The following ZNF141 variants were observed in gnomAD, a reference collection of about 807,000 sequenced individuals.
The protein encoded by ZNF141 is zinc finger protein 141.
Under a neutral mutation model 11.3 loss-of-function variants are expected in ZNF141, and 7 were observed. That is an observed-to-expected ratio of 0.62 (90% confidence interval 0.35 to 1.16). The LOEUF (loss-of-function observed/expected upper bound fraction) is 1.16, where lower values mean the gene tolerates loss of function less well. ZNF141 is among the 50% of genes most tolerant of loss of function. The pLI is 0.02. For synonymous variants in ZNF141, 183 were observed against 190.7 expected, an observed-to-expected ratio of 0.96 and a Z score of 0.33; for missense variants, 535 against 554.0, an observed-to-expected ratio of 0.97 and a Z score of 0.34.
chr4:347,963 G>T (rs545466052), intron 3 of ZNF141, among the ~76,000 whole-genome samples: 2 of 151,832 alleles, frequency 1.3e-5, no homozygotes, highest in East Asian at 3.9e-4. Context: ...TCCTGCCTCA[G>T]CCTCCCGAGT....
chr4:362,293 G>A (rs782238433), intron 3 of ZNF141, among the ~76,000 whole-genome samples: 77 of 152,098 alleles, frequency 5.1e-4, no homozygotes, highest in Non-Finnish European at 9.1e-4. Context: ...TTGTTGGATG[G>A]GTAGATTGTA....
intron 1 of ZNF141, chr4:343,100 C>T: frequency 1.7e-6 from 1 of 597,544 alleles, no homozygotes; most frequent in Non-Finnish European, 2.9e-6. Context: ...TAAAAAAGTC[C>T]TTATGTTTTA....
intron 3 of ZNF141, among the ~76,000 whole-genome samples, chr4:345,144 A>C (rs1445679890): frequency 6.6e-6 from 1 of 152,176 alleles, no homozygotes; most frequent in Admixed American, 6.5e-5. Context: ...TAGTGGACAT[A>C]GTGGGATTTG....
intron 3 of ZNF141, among the ~76,000 whole-genome samples, chr4:357,630 A>G (rs1423075924): frequency 5.3e-5 from 8 of 151,910 alleles, no homozygotes; most frequent in African/African-American, 1.9e-4. Context: ...TGAACCTCTT[A>G]AGAGATGTAC....
At chr4:341,339 G>A (rs1721041030) in intron 1 of ZNF141, among the ~76,000 whole-genome samples, 2 of 152,172 alleles carry the variant, frequency 1.3e-5, no homozygotes, top group Admixed American at 6.5e-5. Flanking sequence ...GAGATTACAG[G>A]CGTGAGCCAC....
At chr4:357,867 G>A (rs953688243) in intron 3 of ZNF141, among the ~76,000 whole-genome samples, 5 of 151,566 alleles carry the variant, frequency 3.3e-5, no homozygotes, top group East Asian at 1.9e-4. Context: ...CACCACGCCC[G>A]ACTAATTTTT....
Position 380,407 on chromosome 4 carries a change from A to T in ZNF141, c.*6545A>T, listed in dbSNP as rs1712558300. ...GGTGGCTCACACCTGTAATCCCAGC[A>T]CTTTGGGCGCCCAAGGCAGGTGGAT... On this transcript the variant is annotated 3_prime_UTR_variant, in exon 4 of 4. Coordinates refer to ENST00000240499, the MANE Select transcript of ZNF141 (RefSeq NM_003441.4). Among the ~76,000 whole-genome samples the T allele has an allele frequency of 6.6e-6, 1 of 152,142 alleles. No individual in the cohort carries two copies. The highest frequency in any genetic ancestry group is 2.1e-4 in the South Asian group (1 of 4,832).
chr4:379,789 T>G lies in ZNF141; in HGVS notation c.*5927T>G. ...ATTATTCTGTAATTTTTAAAATATA[T>G]TTGTTAATTGACAGATAAAATATCC... On this transcript the variant is annotated 3_prime_UTR_variant, in exon 4 of 4. Transcript: ENST00000240499. Among the ~76,000 whole-genome samples the G allele has an allele frequency of 6.6e-6, 1 of 152,282 alleles. No individual in the cohort carries two copies.
rs782327006 is a variant in ZNF141, at chr4:372,735, C to G, written c.298C>G (p.Leu100Val). The part of the protein sequence containing the change: ...GIEDSFHKLI[L>V]RRYEKCGHDN... ...AGAAGATTCATTCCACAAACTTATACTGAGAAGATATGAGAAATGTGGACA... is the reference window on the plus strand; with the variant it reads ...AGAAGATTCATTCCACAAACTTATAGTGAGAAGATATGAGAAATGTGGACA... The change falls in exon 4 of 4, where the codon CTG (leucine) becomes GTG (valine). Residue 100 changes from leucine (L) to valine (V), a missense_variant. Leu to Val is a conservative substitution (Grantham distance 32). Transcript: ENST00000240499. The G allele has an allele frequency of 1.9e-6, 3 of 1,612,752 alleles. No individual in the cohort carries two copies. Among genetic ancestry groups the G allele is most frequent in the Non-Finnish European group, 2.5e-6 (3 of 1,179,276 alleles).
Position 382,130 on chromosome 4 carries a change from T to C in ZNF141, c.*8268T>C, listed in dbSNP as rs1474807588. On this transcript the variant is annotated 3_prime_UTR_variant, in exon 4 of 4. Coordinates refer to ENST00000240499, the MANE Select transcript of ZNF141 (RefSeq NM_003441.4). ...CCGGCTAATTTTTTTGTATTTTTAG[T>C]AGAGACGGGGTTTCACCATGTTAGC... Among the ~76,000 whole-genome samples the C allele has an allele frequency of 1.3e-5, 2 of 151,860 alleles. No individual in the cohort carries two copies.
intron 3 of ZNF141, among the ~76,000 whole-genome samples, chr4:369,760 A>ATTT (rs1240893040): frequency 1.0e-3 from 35 of 34,066 alleles, no homozygotes; most frequent in African/African-American, 6.4e-3. Context: ...ATATATATAT[A>ATTT]TATATTTTTT....
Position 379,921 on chromosome 4 carries a change from A to G in ZNF141, c.*6059A>G, listed in dbSNP as rs138940313. Among the ~76,000 whole-genome samples, 413 of 152,370 alleles carry G rather than the reference A, an allele frequency of 2.7e-3. 1 individual carries two copies. The highest frequency in any genetic ancestry group is 4.0e-3 in the Non-Finnish European group (272 of 68,036). ...ATTACTTTTGGGATAAGAGCTCATA[A>G]CATTGACTGTGTTAGCATTTTCCAA... On this transcript the variant is annotated 3_prime_UTR_variant, in exon 4 of 4. Coordinates refer to ENST00000240499, the MANE Select transcript of ZNF141 (RefSeq NM_003441.4).
Position 383,138 on chromosome 4 carries a change from G to T in ZNF141, c.*9276G>T. 1.4e-6 allele frequency: 1 copy of T among 701,606 alleles called. No individual in the cohort carries two copies. The highest frequency in any genetic ancestry group is 2.6e-6 in the Non-Finnish European group (1 of 384,540). The allele number at this position is 701,606 out of a possible 1,614,324, so 43.5% of individuals were successfully genotyped here. A position where few individuals can be genotyped will look rare whatever the true frequency, so the allele number is the denominator to read the frequency against. On this transcript the variant is annotated 3_prime_UTR_variant, in exon 4 of 4. Transcript: ENST00000240499. Reference sequence around the variant, plus strand: ...ACAACAAGCCCATTTTAGCTTTCTGGAGAATAGCATCTGAGAAAAGCCAAA... The same window carrying T: ...ACAACAAGCCCATTTTAGCTTTCTGTAGAATAGCATCTGAGAAAAGCCAAA...
At chr4:358,312 C>G (rs889356340) in intron 3 of ZNF141, 3 of 357,028 alleles carry the variant, frequency 8.4e-6, no homozygotes, top group South Asian at 4.1e-5. Flanking sequence ...CTCCGCCTCC[C>G]AAGTAGCTGG....
In ZNF141 at chr4:376,037, A is replaced by G. The variant is rs1239785811; in HGVS notation, c.*2175A>G. On this transcript the variant is annotated 3_prime_UTR_variant, in exon 4 of 4. Coordinates refer to ENST00000240499, the MANE Select transcript of ZNF141 (RefSeq NM_003441.4). ...ACCAATTATACATTTATGTAATAAG[A>G]TACAGTAAATTTTAAAATTATTTTA... 6.6e-6 allele frequency among the ~76,000 whole-genome samples: 1 copy of G among 152,072 alleles called. No individual in the cohort carries two copies. Among genetic ancestry groups the G allele is most frequent in the Non-Finnish European group, 1.5e-5 (1 of 67,920 alleles).
chr4:347,409 G>C (rs1222375048), intron 3 of ZNF141, among the ~76,000 whole-genome samples: 1 of 146,770 alleles, frequency 6.8e-6, no homozygotes, highest in Non-Finnish European at 1.5e-5. Flanking sequence ...GCAGGATCTC[G>C]GCTCACTGCA....
rs566894493 is a variant in ZNF141, at chr4:353,655, T to G, written c.226+9225T>G. ...TTTTGTATTTTTAGTAGAGACGAGG[T>G]TTCACCATGTTGGCCAGGCTAGTCT... On this transcript the variant is annotated intron_variant, in intron 3 of 3. Coordinates refer to ENST00000240499, the MANE Select transcript of ZNF141 (RefSeq NM_003441.4). Among the ~76,000 whole-genome samples, 190 of 151,924 alleles carry G rather than the reference T, an allele frequency of 1.3e-3. 1 individual carries two copies. The highest frequency in any genetic ancestry group is 4.5e-3 in the African/African-American group (185 of 41,442).
chr4:354,272 TC>T (rs72598753), intron 3 of ZNF141, among the ~76,000 whole-genome samples: 25,978 of 152,042 alleles, frequency 0.17, 3,027 homozygotes, highest in African/African-American at 0.33. Flanking sequence ...TTCTGCATTT[TC>T]CCCCCACAGA....
At position 373,634 on chromosome 4, in the gene ZNF141, A is replaced by G. The variant is rs782335596; in HGVS notation, c.1197A>G (p.Glu399=). The part of the protein sequence containing the change: ...HTGEKPYKCE[E]CGKAFRRSTD... The stretch of plus-strand genomic sequence containing the variant: ...GAGAGAAACCCTACAAATGTGAAGA[A>G]TGTGGCAAAGCCTTTAGACGGTCCA... Residue 399 remains glutamate (E), a synonymous_variant, in exon 4 of 4, where the codon GAA becomes GAG. Coordinates refer to ENST00000240499, the MANE Select transcript of ZNF141 (RefSeq NM_003441.4). The G allele has an allele frequency of 9.9e-6, 16 of 1,614,090 alleles. No individual in the cohort carries two copies. In the South Asian group the frequency reaches 1.5e-4, roughly 16 times the overall value.
Sources: gnomAD v4.1 joint callset for allele counts (sites outside exome capture counted in the v4.1 genomes callset) on GRCh38, gnomAD v4.1.1 for gene constraint, MANE v1.5 for transcripts, NCBI Gene and HGNC (gene_info 2026-07-23, HGNC 2026-07-21) for gene names.